The following MRPS27 variants were observed in gnomAD, a reference collection of about 807,000 sequenced individuals.
MRPS27 encodes small ribosomal subunit protein mS27.
MRPS27 carries 43 observed loss-of-function variants against 48.9 expected under a neutral mutation model. That is an observed-to-expected ratio of 0.88 (90% CI 0.69 to 1.13). The LOEUF (loss-of-function observed/expected upper bound fraction) is 1.13. Among genes scored for constraint, MRPS27 ranks in the 50% most tolerant of loss-of-function variants. MRPS27 has a pLI of 0.00. For missense variants in MRPS27, 467 were observed against 476.3 expected, an observed-to-expected ratio of 0.98 and a Z score of 0.18; for synonymous variants, 188 against 171.9, an observed-to-expected ratio of 1.09 and a Z score of -0.73.
chr5:72,251,496 C>G (rs1167611983), intron 4 of MRPS27, among the ~76,000 whole-genome samples: 2 of 152,220 alleles, frequency 1.3e-5, no homozygotes, highest in Non-Finnish European at 2.9e-5. Context: ...TGCTCTTGGA[C>G]TGCTTTCCAC....
Position 72,314,018 on chromosome 5 carries a change from A to C in MRPS27, c.151+63T>G, listed in dbSNP as rs1360068165. ...AATTTCATATATACGTTATATGAATAAATGATGGAAGACATACAGAGTGAC... is the reference window on the plus strand; with the variant it reads ...AATTTCATATATACGTTATATGAATCAATGATGGAAGACATACAGAGTGAC... On this transcript the variant is annotated intron_variant, in intron 2 of 10. Coordinates refer to ENST00000261413, the MANE Select transcript of MRPS27 (RefSeq NM_015084.3). 4.3e-6 allele frequency: 5 copies of C among 1,152,362 alleles called. No homozygotes were observed. The East Asian group carries it at 9.5e-5, about 22-fold the overall frequency. 71.4% of individuals were successfully genotyped at this position (1,152,362 alleles called of 1,614,324 possible).
intron 6 of MRPS27, among the ~76,000 whole-genome samples, chr5:72,232,827 T>C (rs1748099429): frequency 6.6e-6 from 1 of 152,160 alleles, no homozygotes; most frequent in South Asian, 2.1e-4. Flanking sequence ...AAACCACTCA[T>C]TTCTCTTGGC....
At chr5:72,295,725 A>AAGC (rs201519797) in intron 3 of MRPS27, 136 bp from the exon 4 acceptor site, 4 of 659,716 alleles carry the variant, frequency 6.1e-6, no homozygotes, top group Admixed American at 2.7e-5. Flanking sequence ...TTAGTGGAAC[A>AAGC]ATGTTCACGT....
At chr5:72,239,780 A>T (rs898020266) in intron 4 of MRPS27, among the ~76,000 whole-genome samples, 21 of 152,162 alleles carry the variant, frequency 1.4e-4, no homozygotes, top group African/African-American at 4.1e-4. Context: ...CCTAGGCTCA[A>T]GCAATCCTTC....
chr5:72,246,335 T>A (rs1430535964), intron 4 of MRPS27, among the ~76,000 whole-genome samples: 1 of 152,060 alleles, frequency 6.6e-6, no homozygotes, highest in Admixed American at 6.6e-5. Context: ...GGAAGTGGAG[T>A]AGTATGTGGT....
chr5:72,232,207 A>G (rs1294966659), intron 7 of MRPS27, among the ~76,000 whole-genome samples: 1 of 152,146 alleles, frequency 6.6e-6, no homozygotes, highest in Non-Finnish European at 1.5e-5. Context: ...TCTGAGGTGC[A>G]CTCAGCCTAG....
chr5:72,316,547 T>C (rs1449277111), intron 1 of MRPS27, among the ~76,000 whole-genome samples: 1 of 151,974 alleles, frequency 6.6e-6, no homozygotes, highest in Non-Finnish European at 1.5e-5. Context: ...TTTTGTATTT[T>C]TAGTAGAGAC....
chr5:72,285,859 C>A (rs1749658787), intron 4 of MRPS27, among the ~76,000 whole-genome samples: 1 of 152,124 alleles, frequency 6.6e-6, no homozygotes, highest in African/African-American at 2.4e-5. Flanking sequence ...TATATAATAT[C>A]CTTCCTTTGA....
At chr5:72,243,704 G>A (rs1748427114) in intron 4 of MRPS27, among the ~76,000 whole-genome samples, 1 of 152,100 alleles carries the variant, frequency 6.6e-6, no homozygotes, top group Admixed American at 6.5e-5. Context: ...CAACCAGATT[G>A]GGCTTGAATA....
chr5:72,312,746 G>C (rs1750473474), intron 2 of MRPS27, among the ~76,000 whole-genome samples: 1 of 151,444 alleles, frequency 6.6e-6, no homozygotes, highest in African/African-American at 2.4e-5. Flanking sequence ...TCAGCCTCCG[G>C]AGTAGCTGGG....
chr5:72,240,831 C>A (rs1452866811), intron 4 of MRPS27, among the ~76,000 whole-genome samples: 3 of 152,180 alleles, frequency 2.0e-5, no homozygotes, highest in African/African-American at 7.2e-5. Context: ...CTCTTAGAAG[C>A]CTAAAGGGAA....
chr5:72,228,566 C>G (rs994397092), intron 7 of MRPS27, 198 bp from the exon 8 acceptor site: 1 of 413,920 alleles, frequency 2.4e-6, no homozygotes. Flanking sequence ...AAAGAAATAC[C>G]CTATATGTTA....
intron 2 of MRPS27, among the ~76,000 whole-genome samples, chr5:72,304,381 AGAC>A (rs1750202003): frequency 6.6e-6 from 1 of 152,236 alleles, no homozygotes; most frequent in Non-Finnish European, 1.5e-5. Flanking sequence ...TAATGTAAAT[AGAC>A]GAAATTTTCT....
At chr5:72,271,874 C>T (rs1749250289) in intron 4 of MRPS27, among the ~76,000 whole-genome samples, 2 of 152,198 alleles carry the variant, frequency 1.3e-5, no homozygotes, top group Admixed American at 6.5e-5. Flanking sequence ...TATCCAGCAT[C>T]TGTTGCAGGG....
intron 4 of MRPS27, chr5:72,241,624 G>A: frequency 6.5e-7 from 1 of 1,532,460 alleles, no homozygotes; most frequent in Non-Finnish European, 8.7e-7. Flanking sequence ...TCAGGTGAGT[G>A]AGTCTCTGGA....
chr5:72,257,562 G>A (rs1748842607), intron 4 of MRPS27, among the ~76,000 whole-genome samples: 1 of 152,186 alleles, frequency 6.6e-6, no homozygotes, highest in South Asian at 2.1e-4. Context: ...TGTTTCGGAA[G>A]ACCAAAATTT....
intron 4 of MRPS27, among the ~76,000 whole-genome samples, chr5:72,238,553 A>C (rs559234185): frequency 5.5e-4 from 84 of 152,354 alleles, no homozygotes; most frequent in African/African-American, 1.9e-3. Context: ...GTAGAGGAGA[A>C]TCAGCTTTGA....
chr5:72,294,294 A>C (rs140219335), intron 4 of MRPS27, among the ~76,000 whole-genome samples: 11 of 152,006 alleles, frequency 7.2e-5, no homozygotes, highest in African/African-American at 2.7e-4. Flanking sequence ...GAAAAAAACT[A>C]CTCCCCAAAA....
At chr5:72,230,084 G>A (rs1159386617) in intron 7 of MRPS27, among the ~76,000 whole-genome samples, 1 of 152,008 alleles carries the variant, frequency 6.6e-6, no homozygotes. Context: ...TTGTAGAGAT[G>A]AGGTCTTGCT....
Sources: gnomAD v4.1 joint callset for allele counts (sites outside exome capture counted in the v4.1 genomes callset) on GRCh38, gnomAD v4.1.1 for gene constraint, MANE v1.5 for transcripts, NCBI Gene and HGNC (gene_info 2026-07-23, HGNC 2026-07-21) for gene names.